HS2ST1: variants seen among roughly 807,000 people sequenced by gnomAD.
HS2ST1 encodes heparan sulfate 2-O-sulfotransferase 1.
In HS2ST1, 18 loss-of-function variants were observed where a neutral mutation model predicts 42.9. The observed-to-expected ratio is 0.42, with a 90% confidence interval of 0.29 to 0.62. HS2ST1 has a LOEUF of 0.62. HS2ST1 is among the 20% of genes least tolerant of loss of function. HS2ST1 has a pLI of 0.21. For synonymous variants in HS2ST1, 146 were observed against 152.9 expected, an observed-to-expected ratio of 0.95 and a Z score of 0.33; for missense variants, 334 against 433.8, an observed-to-expected ratio of 0.77 and a Z score of 2.04.
At chr1:86,949,488 TGAG>T (rs1268586822) in intron 1 of HS2ST1, among the ~76,000 whole-genome samples, 2 of 152,132 alleles carry the variant, frequency 1.3e-5, no homozygotes, top group East Asian at 3.9e-4. Flanking sequence ...GAGAATCACT[TGAG>T]CCCAAAAGGC....
intron 1 of HS2ST1, among the ~76,000 whole-genome samples, chr1:87,069,523 GAAGA>G (rs985225979): frequency 4.1e-4 from 63 of 152,182 alleles, no homozygotes; most frequent in African/African-American, 1.3e-3. Flanking sequence ...TATTGCCACA[GAAGA>G]AAGATAGTAA....
intron 1 of HS2ST1, among the ~76,000 whole-genome samples, chr1:86,973,459 A>G (rs1047280288): frequency 7.9e-5 from 12 of 152,142 alleles, no homozygotes; most frequent in African/African-American, 2.9e-4. Context: ...CAAACCCTAA[A>G]TTCTAATCTT....
At chr1:86,916,289 A>C (rs17129714) in intron 1 of HS2ST1, among the ~76,000 whole-genome samples, 3,444 of 152,306 alleles carry the variant, frequency 0.023, 125 homozygotes, top group African/African-American at 0.079. Flanking sequence ...TCTCACCTCA[A>C]AATCATTTTA....
At chr1:86,955,868 C>T (rs1647663723) in intron 1 of HS2ST1, among the ~76,000 whole-genome samples, 1 of 151,760 alleles carries the variant, frequency 6.6e-6, no homozygotes, top group South Asian at 2.1e-4. Context: ...ACGCCTGTGG[C>T]CCCAGCAACT....
At chr1:86,951,658 G>T (rs1285472229) in intron 1 of HS2ST1, among the ~76,000 whole-genome samples, 6 of 152,200 alleles carry the variant, frequency 3.9e-5, no homozygotes, top group African/African-American at 1.4e-4. Flanking sequence ...GGAGGTGGGG[G>T]TGACTGTGGC....
intron 1 of HS2ST1, among the ~76,000 whole-genome samples, chr1:87,018,132 C>CACACACACACACACA: frequency 6.7e-6 from 1 of 149,352 alleles, no homozygotes; most frequent in African/African-American, 2.5e-5. Context: ...TAAATAAAAG[C>CACACACACACACACA]CACACACACA....
intron 1 of HS2ST1, among the ~76,000 whole-genome samples, chr1:87,033,210 T>A (rs1650284015): frequency 6.6e-6 from 1 of 152,214 alleles, no homozygotes; most frequent in Non-Finnish European, 1.5e-5. Context: ...CCATGTCTAA[T>A]CTTTTTCCAT....
chr1:86,968,085 G>T (rs1247566803), intron 1 of HS2ST1, among the ~76,000 whole-genome samples: 1 of 152,100 alleles, frequency 6.6e-6, no homozygotes, highest in African/African-American at 2.4e-5. Flanking sequence ...TTGGCCATTT[G>T]TATATCTTCT....
intron 1 of HS2ST1, chr1:86,932,049 C>G (rs1230207227): frequency 2.0e-5 from 3 of 151,974 alleles, no homozygotes; most frequent in Admixed American, 6.6e-5. Flanking sequence ...GTTGGGATTA[C>G]AAGCATGAGC....
chr1:87,030,090 T>TA (rs987220335), intron 1 of HS2ST1, among the ~76,000 whole-genome samples: 2 of 152,014 alleles, frequency 1.3e-5, no homozygotes, highest in Admixed American at 6.6e-5. Flanking sequence ...TAGGACTTGC[T>TA]AAAAAAAATT....
chr1:86,975,863 T>C (rs902114408), intron 1 of HS2ST1, among the ~76,000 whole-genome samples: 2 of 152,204 alleles, frequency 1.3e-5, no homozygotes, highest in Admixed American at 1.3e-4. Flanking sequence ...CAGGGGCTAG[T>C]AACTAAAAAT....
At chr1:87,099,863 T>C (rs1051739691) in intron 5 of HS2ST1, among the ~76,000 whole-genome samples, 2 of 152,158 alleles carry the variant, frequency 1.3e-5, no homozygotes, top group Non-Finnish European at 2.9e-5. Context: ...AAAGGCGCAG[T>C]AGGCCCCACA....
At chr1:87,076,907 A>C (rs1028263916) in intron 2 of HS2ST1, among the ~76,000 whole-genome samples, 13 of 152,100 alleles carry the variant, frequency 8.5e-5, no homozygotes, top group Middle Eastern at 3.2e-3. Context: ...TTTCTTTTTG[A>C]AATTCACTCT....
chr1:86,929,810 A>G (rs768748042), intron 1 of HS2ST1, among the ~76,000 whole-genome samples: 3 of 151,856 alleles, frequency 2.0e-5, no homozygotes, highest in Non-Finnish European at 3.0e-5. Flanking sequence ...ATGGTGATTC[A>G]TTGTCATATC....
chr1:87,051,256 A>G (rs944526626), intron 1 of HS2ST1, among the ~76,000 whole-genome samples: 2 of 151,962 alleles, frequency 1.3e-5, no homozygotes, highest in African/African-American at 2.4e-5. Flanking sequence ...GATTGGTTCC[A>G]GTGTTCAATT....
chr1:87,020,927 A>T (rs1649926598), intron 1 of HS2ST1, among the ~76,000 whole-genome samples: 1 of 152,126 alleles, frequency 6.6e-6, no homozygotes, highest in South Asian at 2.1e-4. Flanking sequence ...ATGACCATAA[A>T]CAGTTCTGAG....
intron 1 of HS2ST1, among the ~76,000 whole-genome samples, chr1:87,062,774 C>G (rs188385923): frequency 2.6e-5 from 4 of 152,240 alleles, no homozygotes; most frequent in Admixed American, 1.3e-4. Context: ...GTTACTTTCC[C>G]TTTCATTCCT....
intron 3 of HS2ST1, 62 bp downstream of exon 3, chr1:87,084,341 T>G: frequency 1.2e-6 from 1 of 861,138 alleles, no homozygotes; most frequent in East Asian, 2.6e-5. Flanking sequence ...TAAAAAGGAA[T>G]AAATTCATTA....
intron 1 of HS2ST1, among the ~76,000 whole-genome samples, chr1:86,925,510 C>T (rs1006051513): frequency 2.6e-5 from 4 of 151,750 alleles, no homozygotes; most frequent in Non-Finnish European, 4.4e-5. Context: ...GGAAACCTCA[C>T]AATCATGGTG....
Sources: allele counts gnomAD v4.1 joint callset (sites outside exome capture counted in the v4.1 genomes callset), GRCh38; gene constraint gnomAD v4.1.1; transcripts MANE v1.5; gene names NCBI Gene and HGNC (gene_info 2026-07-23, HGNC 2026-07-21).